The following SACS variants were observed in gnomAD, a reference collection of about 807,000 sequenced individuals.
The protein encoded by SACS is sacsin molecular chaperone.
A neutral mutation model predicts 348.0 loss-of-function variants in SACS; 197 were observed. The ratio of observed to expected loss-of-function variants is 0.57; its 90% CI spans 0.50 to 0.64. The LOEUF is 0.64. Ranked by LOEUF, SACS falls within the 30% of genes least tolerant of loss-of-function variation. The pLI, the probability that SACS is intolerant of heterozygous loss-of-function variation, is 0.00. For missense variants in SACS, 4,999 were observed against 5,360.8 expected, an observed-to-expected ratio of 0.93 and a Z score of 2.11; for synonymous variants, 1,985 against 1,910.6, an observed-to-expected ratio of 1.04 and a Z score of -1.02.
At chr13:23,394,768 T>C (rs149145157) in intron 2 of SACS, among the ~76,000 whole-genome samples, 1,889 of 152,270 alleles carry the variant, frequency 0.012, 21 homozygotes, top group Non-Finnish European at 0.019. Flanking sequence ...GGCAGGAGAA[T>C]CACCTGAACC....
At chr13:23,375,654 C>G (rs1871748489) in intron 2 of SACS, 6 of 741,302 alleles carry the variant, frequency 8.1e-6, no homozygotes, top group African/African-American at 1.9e-5. Flanking sequence ...CCGCCCCTCC[C>G]GCCAGGCCCC....
intron 1 of SACS, among the ~76,000 whole-genome samples, chr13:23,425,272 C>T (rs1387078009): frequency 6.6e-6 from 1 of 151,664 alleles, no homozygotes; most frequent in Non-Finnish European, 1.5e-5. Context: ...CGATGTCCAT[C>T]TGGGGCCTGG....
intron 1 of SACS, among the ~76,000 whole-genome samples, chr13:23,417,197 G>C (rs1873722557): frequency 6.6e-6 from 1 of 152,100 alleles, no homozygotes; most frequent in Non-Finnish European, 1.5e-5. Flanking sequence ...ACATTAAAAA[G>C]ACCCTTTAAA....
Position 23,375,245 on chromosome 13 carries a change from G to A in SACS, c.45C>T (p.Pro15=), listed in dbSNP as rs1231894975. 3.4e-6 allele frequency: 5 copies of A among 1,480,466 alleles called. No homozygotes were observed. The highest frequency in any genetic ancestry group is 3.6e-6 in the Non-Finnish European group (4 of 1,112,904). The allele number at this position is 1,480,466 out of a possible 1,614,324, so 91.7% of individuals were successfully genotyped here. The change falls in exon 3 of 10, where the codon CCC becomes CCT. Residue 15 remains proline, a synonymous_variant. Transcript: ENST00000382292. ...ENRWVPVTVL[P]GCVGCRTVAA... is the part of the protein sequence containing the mutation. ...CGACGGTCCTGCAGCCCACGCAGCCGGGGAGCACGGTCACCGGGACCCACC... is the reference window on the plus strand; with the variant it reads ...CGACGGTCCTGCAGCCCACGCAGCCAGGGAGCACGGTCACCGGGACCCACC...
intron 9 of SACS, among the ~76,000 whole-genome samples, chr13:23,349,623 A>C (rs975432879): frequency 6.6e-6 from 1 of 152,214 alleles, no homozygotes; most frequent in South Asian, 2.1e-4. Flanking sequence ...ATACAACTCA[A>C]CTGGCAAGGT....
intron 3 of SACS, among the ~76,000 whole-genome samples, chr13:23,374,609 A>AT (rs1871624034): frequency 6.6e-6 from 1 of 152,240 alleles, no homozygotes; most frequent in Non-Finnish European, 1.5e-5. Flanking sequence ...TTTCTGACCT[A>AT]TCAAGTCAAC....
At position 23,330,508 on chromosome 13, in the gene SACS, T is replaced by C; in HGVS notation, c.13368A>G (p.Ala4456=). ...EARRWLRQAR[A]NFSAARNDLH... ...GGTCATTCCTGGCAGCTGAGAAGTT[T>C]GCTCTGGCTTGTCTTAGCCATCTGC... The change falls in exon 10 of 10, where the codon GCA becomes GCG. Residue 4456 remains alanine, a synonymous_variant. Coordinates refer to ENST00000382292, the MANE Select transcript of SACS (RefSeq NM_014363.6). The C allele has an allele frequency of 6.2e-7, 1 of 1,614,196 alleles. No homozygotes were observed. Among genetic ancestry groups the C allele is most frequent in the African/African-American group, 1.3e-5 (1 of 75,050 alleles).
Position 23,382,184 on chromosome 13 carries a change from C to T in SACS, c.21-6915G>A, listed in dbSNP as rs955225672. 9.1e-4 allele frequency among the ~76,000 whole-genome samples: 139 copies of T among 152,268 alleles called. 1 individual carries two copies. The highest frequency in any genetic ancestry group is 3.9e-4 in the East Asian group (2 of 5,184). On this transcript the variant is annotated intron_variant, in intron 2 of 9. Coordinates refer to ENST00000382292, the MANE Select transcript of SACS (RefSeq NM_014363.6). ...TTTTGTTTTTTTTGAGACGGAGTCT[C>T]GCTTTGTTGCCCAGGCTGGAGTGCA...
At position 23,426,497 on chromosome 13, in the gene SACS, C is replaced by T. The variant is rs548388361; in HGVS notation, c.-502+7118G>A. ...CTCTACGAAAATACAAAATTTAGCC[C>T]GGCATGATGGTGGGTGCCTGTAATC... is the stretch of plus-strand genomic sequence containing the variant. On this transcript the variant is annotated intron_variant, in intron 1 of 9. Transcript: ENST00000382292. Among the ~76,000 whole-genome samples, 52 of 152,140 alleles carry T rather than the reference C, an allele frequency of 3.4e-4. 2 individuals are homozygous for T. The South Asian group carries it at 0.011, about 32-fold the overall frequency.
intron 6 of SACS, among the ~76,000 whole-genome samples, chr13:23,363,369 A>G (rs903034070): frequency 6.6e-6 from 1 of 151,910 alleles, no homozygotes; most frequent in African/African-American, 2.4e-5. Flanking sequence ...CTGTGATTAC[A>G]GGTGCCCGCC....
chr13:23,371,663 A>G (rs374503764), intron 3 of SACS, among the ~76,000 whole-genome samples: 3 of 152,254 alleles, frequency 2.0e-5, no homozygotes, highest in Non-Finnish European at 2.9e-5. Context: ...TGTAAACAGC[A>G]TATTGTTTAG....
intron 2 of SACS, among the ~76,000 whole-genome samples, chr13:23,397,244 G>A (rs1872744795): frequency 6.6e-6 from 1 of 152,114 alleles, no homozygotes; most frequent in African/African-American, 2.4e-5. Flanking sequence ...AACTTTGTTT[G>A]CAAACTCTGT....
chr13:23,405,108 T>A (rs1401181033), intron 2 of SACS, among the ~76,000 whole-genome samples: 1 of 152,114 alleles, frequency 6.6e-6, no homozygotes, highest in African/African-American at 2.4e-5. Flanking sequence ...GCCAAGATAA[T>A]CTTAAGCAAA....
In SACS at chr13:23,337,324, T is replaced by A; in HGVS notation, c.6552A>T (p.Arg2184Ser). 6.2e-7 allele frequency: 1 copy of A among 1,613,988 alleles called. No homozygotes were observed. The highest frequency in any genetic ancestry group is 8.5e-7 in the Non-Finnish European group (1 of 1,179,904). Residue 2184 changes from arginine (R) to serine (S), a missense_variant, in exon 10 of 10, where the codon AGA becomes AGT. Transcript: ENST00000382292. ...CGATAAGACTCAATAAGATACTACT[T>A]CTTAGGCATGCAGCAACATGATCAC... is the stretch of plus-strand genomic sequence containing the variant. ...NKSDHVAACL[R>S]SSILLSLIDE...
chr13:23,402,382 C>T (rs973203630), intron 2 of SACS, among the ~76,000 whole-genome samples: 8 of 152,138 alleles, frequency 5.3e-5, no homozygotes, highest in Non-Finnish European at 1.0e-4. Context: ...AGTTAAACTA[C>T]CTATAATTCA....
At chr13:23,423,593 C>T (rs1874044484) in intron 1 of SACS, among the ~76,000 whole-genome samples, 1 of 152,134 alleles carries the variant, frequency 6.6e-6, no homozygotes, top group South Asian at 2.1e-4. Context: ...TAATATCCAG[C>T]CCTAATAACT....
chr13:23,334,347 A>C lies in SACS; in HGVS notation c.9529T>G (p.Tyr3177Asp). The C allele has an allele frequency of 2.5e-6, 4 of 1,612,338 alleles. No homozygotes were observed. Among genetic ancestry groups the C allele is most frequent in the Non-Finnish European group, 3.4e-6 (4 of 1,179,114 alleles). ...TTGCGGGATGGAATCAATTCATGAT[A>C]TGTTGTTAGAAACTTGGGTCGTTTT... is the stretch of plus-strand genomic sequence containing the variant. ...DAKRPKFLTT[Y>D]HELIPSRKDL... Residue 3177 changes from tyrosine (Y) to aspartate (D), a missense_variant, in exon 10 of 10, where the codon TAT becomes GAT. Around this residue, in one of 6 missense-constraint regions of SACS, gnomAD observed 734 missense variants for 694.0 expected, o/e 1.06. Transcript: ENST00000382292.
chr13:23,330,563 A>C lies in SACS; in HGVS notation c.13313T>G (p.Phe4438Cys). ...YSQRFFVPPT[F>C]KSVGNPVEAR... ...TTCCACTGGATTGCCAACCGACTTG[A>C]AAGTGGGAGGAACAAAGAACCTTTG... Residue 4438 changes from phenylalanine (F) to cysteine (C), a missense_variant, in exon 10 of 10, where the codon TTC (phenylalanine) becomes TGC (cysteine). Phe to Cys is a radical substitution (Grantham distance 205). Transcript: ENST00000382292. 6.2e-7 allele frequency: 1 copy of C among 1,614,010 alleles called. No homozygotes were observed. Among genetic ancestry groups the C allele is most frequent in the Non-Finnish European group, 8.5e-7 (1 of 1,179,954 alleles).
rs771658493 is a variant in SACS, at chr13:23,332,309, A to G, written c.11567T>C (p.Val3856Ala). 3.1e-6 allele frequency: 5 copies of G among 1,614,038 alleles called. No individual in the cohort carries two copies. The highest frequency in any genetic ancestry group is 4.2e-6 in the Non-Finnish European group (5 of 1,179,932). Residue 3856 changes from valine to alanine, a missense_variant, in exon 10 of 10, where the codon GTG becomes GCG. Around this residue, in one of 6 missense-constraint regions of SACS, gnomAD observed 831 missense variants for 941.8 expected, o/e 0.88. Coordinates refer to ENST00000382292, the MANE Select transcript of SACS (RefSeq NM_014363.6). Reference protein sequence around the residue: ...DIISTKQYVEVLSRIFKNSEG... With the variant: ...DIISTKQYVEALSRIFKNSEG... ...AGAATTTTTAAATATGCGGCTCAAC[A>G]CTTCAACATATTGCTTAGTTGAAAT...
Sources: allele counts gnomAD v4.1 joint callset (sites outside exome capture counted in the v4.1 genomes callset), GRCh38; gene constraint gnomAD v4.1.1; regional missense constraint gnomAD v4.1.1; transcripts MANE v1.5; gene names NCBI Gene and HGNC (gene_info 2026-07-23, HGNC 2026-07-21).